Variants in FHIT observed in about 807,000 individuals in gnomAD.
The protein encoded by FHIT is bis(5'-adenosyl)-triphosphatase.
Under a neutral mutation model 17.9 loss-of-function variants are expected in FHIT, and 19 were observed. The observed-to-expected ratio is 1.06, with a 90% CI of 0.74 to 1.56. The LOEUF is 1.56. Ranked by LOEUF, FHIT falls within the 40% of genes most tolerant of loss-of-function variation. The probability of loss-of-function intolerance (pLI) is 0.00; values close to 1 mark genes in which losing one functional copy is unlikely to be tolerated. For synonymous variants in FHIT, 81 were observed against 69.7 expected (o/e 1.16, Z -0.81); for missense variants, 248 against 189.2 (o/e 1.31, Z -1.82).
chr3:60,257,589 G>T (rs1467227882), intron 5 of FHIT, among the ~76,000 whole-genome samples: 4 of 152,118 alleles, frequency 2.6e-5, no homozygotes, highest in Admixed American at 2.6e-4. Context: ...CATGGCATAG[G>T]GATTAACATT....
intron 5 of FHIT, among the ~76,000 whole-genome samples, chr3:60,388,780 A>C (rs1701112797): frequency 6.6e-6 from 1 of 152,190 alleles, no homozygotes; most frequent in Non-Finnish European, 1.5e-5. Flanking sequence ...CTTGTGTTCC[A>C]AGTTTCCATG....
intron 5 of FHIT, among the ~76,000 whole-genome samples, chr3:60,320,171 GTTGT>G (rs924862583): frequency 1.3e-5 from 2 of 152,026 alleles, no homozygotes; most frequent in African/African-American, 2.4e-5. Context: ...ACACTCTTAC[GTTGT>G]TTATGTATAA....
At chr3:61,198,182 A>G (rs1044083700) in intron 2 of FHIT, among the ~76,000 whole-genome samples, 1 of 152,078 alleles carries the variant, frequency 6.6e-6, no homozygotes, top group Non-Finnish European at 1.5e-5. Context: ...GGCTAATTTA[A>G]GAATTATTGG....
rs1559563349 is a variant in FHIT, at chr3:59,747,332, A to T, written c.*2253T>A. Among the ~76,000 whole-genome samples the T allele has an allele frequency of 6.6e-6, 1 of 152,164 alleles. No individual in the cohort carries two copies. Among genetic ancestry groups the T allele is most frequent in the Non-Finnish European group, 1.5e-5 (1 of 68,024 alleles). Reference sequence around the variant, plus strand: ...TCGCAATCATGGAGGAAGGCAAAAGAGGAGCAAAGCCACATCTTACATGGC... The same window carrying T: ...TCGCAATCATGGAGGAAGGCAAAAGTGGAGCAAAGCCACATCTTACATGGC... On this transcript the variant is annotated 3_prime_UTR_variant, in exon 10 of 10. Transcript: ENST00000492590.
chr3:59,926,496 T>G (rs904912252), intron 7 of FHIT, among the ~76,000 whole-genome samples: 3 of 151,966 alleles, frequency 2.0e-5, no homozygotes, highest in African/African-American at 4.8e-5. Context: ...AACATAACGG[T>G]ATAAGGTAAA....
chr3:60,045,202 T>C (rs1701601815), intron 5 of FHIT, among the ~76,000 whole-genome samples: 1 of 152,152 alleles, frequency 6.6e-6, no homozygotes, highest in Non-Finnish European at 1.5e-5. Flanking sequence ...AAATGATGTA[T>C]TATTCCATTA....
chr3:60,752,940 T>C (rs1208540097), intron 4 of FHIT, among the ~76,000 whole-genome samples: 5 of 152,242 alleles, frequency 3.3e-5, no homozygotes, highest in Admixed American at 6.5e-5. Flanking sequence ...GCATCTGTCG[T>C]GCTCCCAATT....
chr3:61,089,928 A>G (rs898650537), intron 2 of FHIT, among the ~76,000 whole-genome samples: 18 of 152,220 alleles, frequency 1.2e-4, no homozygotes, highest in Non-Finnish European at 5.9e-5. Context: ...CTTCGCAGAA[A>G]TCTTTAGAGA....
intron 8 of FHIT, among the ~76,000 whole-genome samples, chr3:59,858,371 C>T (rs997454251): frequency 1.2e-4 from 18 of 150,390 alleles, no homozygotes; most frequent in East Asian, 5.9e-4. Context: ...GGATTACAGG[C>T]GCCCGCCACT....
chr3:60,470,257 T>C (rs1001143357), intron 5 of FHIT, among the ~76,000 whole-genome samples: 3 of 151,910 alleles, frequency 2.0e-5, no homozygotes, highest in Middle Eastern at 3.2e-3. Context: ...CTGCAATAAG[T>C]ATATGGGAAA....
chr3:61,236,344 C>T (rs1194535349), intron 1 of FHIT, among the ~76,000 whole-genome samples: 1 of 151,318 alleles, frequency 6.6e-6, no homozygotes, highest in Non-Finnish European at 1.5e-5. Context: ...CTGCCAAATG[C>T]AGCTCTAGAT....
At chr3:60,146,854 G>A (rs1460265849) in intron 5 of FHIT, among the ~76,000 whole-genome samples, 1 of 152,138 alleles carries the variant, frequency 6.6e-6, no homozygotes, top group African/African-American at 2.4e-5. Context: ...AAAAGCTTAA[G>A]ATCCAAGAAA....
intron 3 of FHIT, among the ~76,000 whole-genome samples, chr3:60,832,016 C>T (rs1445623821): frequency 1.3e-5 from 2 of 152,074 alleles, no homozygotes. Context: ...ACACTACTTA[C>T]CTTACAAGCT....
intron 5 of FHIT, among the ~76,000 whole-genome samples, chr3:60,296,359 T>A (rs1708209986): frequency 6.6e-6 from 1 of 152,132 alleles, no homozygotes; most frequent in African/African-American, 2.4e-5. Flanking sequence ...TTGTCACCAC[T>A]TGTCACTCTC....
At chr3:60,433,656 T>C (rs2029939057) in intron 5 of FHIT, among the ~76,000 whole-genome samples, 1 of 152,110 alleles carries the variant, frequency 6.6e-6, no homozygotes, top group Non-Finnish European at 1.5e-5. Context: ...TGATTCACAG[T>C]TCCCTGATGA....
intron 4 of FHIT, among the ~76,000 whole-genome samples, chr3:60,614,809 GTTTTTT>G (rs147892145): frequency 5.1e-5 from 4 of 78,226 alleles, no homozygotes; most frequent in Non-Finnish European, 9.6e-5. Flanking sequence ...TGCAAAAGTT[GTTTTTT>G]TTTTGTTTTT....
intron 5 of FHIT, among the ~76,000 whole-genome samples, chr3:60,178,522 G>A (rs554027011): frequency 6.6e-6 from 1 of 152,024 alleles, no homozygotes; most frequent in East Asian, 1.9e-4. Flanking sequence ...GGAGGCAGAG[G>A]TTGCAGTGAG....
At chr3:60,101,097 T>A (rs373979609) in intron 5 of FHIT, among the ~76,000 whole-genome samples, 12 of 152,220 alleles carry the variant, frequency 7.9e-5, no homozygotes, top group African/African-American at 2.9e-4. Context: ...GGGCAGTATC[T>A]GCTCTTAACT....
chr3:60,393,161 T>C (rs950059540), intron 5 of FHIT, among the ~76,000 whole-genome samples: 2 of 152,156 alleles, frequency 1.3e-5, no homozygotes, highest in African/African-American at 4.8e-5. Context: ...CTTCAGTTAA[T>C]AATGTAATCA....
Sources: gnomAD v4.1 joint callset for allele counts (sites outside exome capture counted in the v4.1 genomes callset) on GRCh38, gnomAD v4.1.1 for gene constraint, MANE v1.5 for transcripts, NCBI Gene and HGNC (gene_info 2026-07-23, HGNC 2026-07-21) for gene names.